The following HOMER1 variants were observed in gnomAD, a reference collection of about 807,000 sequenced individuals.
HOMER1 encodes the protein homer scaffold protein 1.
Under a neutral mutation model 48.9 loss-of-function variants are expected in HOMER1, and 3 were observed. That is an observed-to-expected ratio of 0.06 (90% confidence interval 0.03 to 0.16). The LOEUF is 0.16. HOMER1 is among the 10% of genes least tolerant of loss of function. HOMER1 has a pLI of 1.00. For missense variants in HOMER1, 247 were observed against 411.4 expected (o/e 0.60, Z 3.46); for synonymous variants, 134 against 146.4 (o/e 0.92, Z 0.61).
At chr5:79,402,107 T>G (rs1216390504) in intron 5 of HOMER1, 52 bp from the exon 6 acceptor site, 3 of 1,443,688 alleles carry the variant, frequency 2.1e-6, no homozygotes, top group East Asian at 2.3e-5. Context: ...TACTGTTACC[T>G]TGAAGGGACA....
chr5:79,398,168 A>G (rs551319742), intron 6 of HOMER1, among the ~76,000 whole-genome samples: 3 of 152,244 alleles, frequency 2.0e-5, no homozygotes, highest in South Asian at 4.1e-4. Context: ...TTGTTAGTCA[A>G]TAAGAATTTA....
intron 1 of HOMER1, among the ~76,000 whole-genome samples, chr5:79,471,551 G>GAAAAAAAAAAAAAA (rs55724615): frequency 3.1e-5 from 3 of 97,676 alleles, no homozygotes; most frequent in Non-Finnish European, 4.2e-5. Flanking sequence ...CCATCTCAAA[G>GAAAAAAAAAAAAAA]AAAAAAAAAA....
chr5:79,413,832 A>G (rs1466024145), intron 5 of HOMER1, among the ~76,000 whole-genome samples: 1 of 152,140 alleles, frequency 6.6e-6, no homozygotes, highest in African/African-American at 2.4e-5. Flanking sequence ...ATTTTTCTTT[A>G]TAAAAGTTAA....
chr5:79,436,226 C>T (rs1029314810), intron 5 of HOMER1, among the ~76,000 whole-genome samples: 1 of 152,090 alleles, frequency 6.6e-6, no homozygotes, highest in Non-Finnish European at 1.5e-5. Context: ...ATACTGTACC[C>T]AGTTTAAAAA....
intron 1 of HOMER1, among the ~76,000 whole-genome samples, chr5:79,486,697 A>G (rs1752112028): frequency 6.6e-6 from 1 of 152,200 alleles, no homozygotes; most frequent in Admixed American, 6.5e-5. Flanking sequence ...ATTAACAATA[A>G]TGCCACATTG....
intron 5 of HOMER1, among the ~76,000 whole-genome samples, chr5:79,416,209 C>A (rs767177638): frequency 6.6e-6 from 1 of 152,122 alleles, no homozygotes; most frequent in African/African-American, 2.4e-5. Flanking sequence ...ATTGTATGCA[C>A]TCAATGATTT....
At chr5:79,469,001 C>T (rs954751311) in intron 1 of HOMER1, among the ~76,000 whole-genome samples, 4 of 152,164 alleles carry the variant, frequency 2.6e-5, no homozygotes, top group Non-Finnish European at 5.9e-5. Flanking sequence ...CTTATTTTAG[C>T]TCCAATAGTG....
intron 3 of HOMER1, among the ~76,000 whole-genome samples, chr5:79,449,900 C>CA (rs1279205328): frequency 2.0e-5 from 3 of 151,972 alleles, no homozygotes; most frequent in African/African-American, 7.3e-5. Flanking sequence ...CACTTGAAAA[C>CA]AGTGTTAAGA....
At chr5:79,454,334 G>A (rs1161676930) in intron 2 of HOMER1, among the ~76,000 whole-genome samples, 1 of 152,008 alleles carries the variant, frequency 6.6e-6, no homozygotes, top group Non-Finnish European at 1.5e-5. Context: ...AATAAAGGAG[G>A]ATTGTTATCT....
At chr5:79,442,699 T>A (rs1474836578) in intron 4 of HOMER1, among the ~76,000 whole-genome samples, 1 of 152,238 alleles carries the variant, frequency 6.6e-6, no homozygotes, top group Non-Finnish European at 1.5e-5. Context: ...TCCATTCCAG[T>A]TTTATACTTA....
At chr5:79,388,274 A>C (rs1442495392) in intron 8 of HOMER1, among the ~76,000 whole-genome samples, 1 of 152,198 alleles carries the variant, frequency 6.6e-6, no homozygotes, top group Admixed American at 6.5e-5. Flanking sequence ...AAAAATAAGC[A>C]AGAAAGGAAA....
chr5:79,387,014 C>T (rs1428779691), intron 8 of HOMER1, among the ~76,000 whole-genome samples: 1 of 143,786 alleles, frequency 7.0e-6, no homozygotes, highest in African/African-American at 2.6e-5. Flanking sequence ...CCCCTTCCCC[C>T]TCTTCCTTCT....
At chr5:79,483,979 G>A (rs1272691706) in intron 1 of HOMER1, among the ~76,000 whole-genome samples, 1 of 148,156 alleles carries the variant, frequency 6.7e-6, no homozygotes, top group East Asian at 2.0e-4. Flanking sequence ...CTGGGAGGCA[G>A]AGGTTGCAAT....
chr5:79,416,023 G>A (rs2112240235), intron 5 of HOMER1, among the ~76,000 whole-genome samples: 1 of 152,032 alleles, frequency 6.6e-6, no homozygotes, highest in East Asian at 1.9e-4. Context: ...ACAAAAAATG[G>A]GACACTCAGA....
chr5:79,379,475 TAAATATATA>T (rs1196236149), intron 8 of HOMER1, among the ~76,000 whole-genome samples: 1 of 123,970 alleles, frequency 8.1e-6, no homozygotes. Context: ...ATTTTATATA[TAAATATATA>T]AATATATAAA....
At chr5:79,436,317 G>T (rs2112271795) in intron 5 of HOMER1, among the ~76,000 whole-genome samples, 1 of 152,078 alleles carries the variant, frequency 6.6e-6, no homozygotes, top group East Asian at 1.9e-4. Context: ...TTCCATATAG[G>T]TCTCCTAGGA....
intron 5 of HOMER1, among the ~76,000 whole-genome samples, chr5:79,429,392 T>G (rs1000593162): frequency 2.6e-5 from 4 of 152,046 alleles, no homozygotes; most frequent in South Asian, 2.1e-4. Flanking sequence ...GAAAGTGCAG[T>G]ACTGGCATAA....
intron 1 of HOMER1, among the ~76,000 whole-genome samples, chr5:79,460,966 G>A (rs910287812): frequency 3.3e-5 from 5 of 152,174 alleles, no homozygotes; most frequent in Non-Finnish European, 7.3e-5. Context: ...TGGGGAAGTG[G>A]AAGGGGAAGA....
chr5:79,415,908 C>T (rs1040823782), intron 5 of HOMER1, among the ~76,000 whole-genome samples: 3 of 152,106 alleles, frequency 2.0e-5, no homozygotes, highest in Non-Finnish European at 4.4e-5. Flanking sequence ...GTTACCTAAC[C>T]TCATCAGGTC....
Sources: allele counts gnomAD v4.1 joint callset (sites outside exome capture counted in the v4.1 genomes callset), GRCh38; gene constraint gnomAD v4.1.1; transcripts MANE v1.5; gene names NCBI Gene and HGNC (gene_info 2026-07-23, HGNC 2026-07-21).